DIRAS2: variants seen among roughly 807,000 people sequenced by gnomAD.
DIRAS2 encodes GTP-binding protein Di-Ras2.
A neutral mutation model predicts 13.9 loss-of-function variants in DIRAS2; 5 were observed. The ratio of observed to expected loss-of-function variants is 0.36; its 90% CI spans 0.19 to 0.76. The LOEUF (loss-of-function observed/expected upper bound fraction) is 0.76, where lower values mean the gene tolerates loss of function less well. Among genes scored for constraint, DIRAS2 ranks in the 30% least tolerant of loss-of-function variants. The probability of loss-of-function intolerance (pLI) is 0.53; values close to 1 mark genes in which losing one functional copy is unlikely to be tolerated. For missense variants in DIRAS2, 191 were observed against 263.0 expected (o/e 0.73, Z 1.89); for synonymous variants, 111 against 105.4 (o/e 1.05, Z -0.33).
chr9:90,640,897 A>G (rs1230676602), intron 1 of DIRAS2, among the ~76,000 whole-genome samples: 1 of 152,172 alleles, frequency 6.6e-6, no homozygotes, highest in African/African-American at 2.4e-5. Context: ...CAACATATCA[A>G]CTCTGGTCTC....
At position 90,613,672 on chromosome 9, in the gene DIRAS2, C is replaced by T; in HGVS notation, c.156G>A (p.Lys52=). The T allele has an allele frequency of 6.2e-7, 1 of 1,614,170 alleles. No individual in the cohort carries two copies. The highest frequency in any genetic ancestry group is 1.7e-5 in the Admixed American group (1 of 60,024). The change falls in exon 2 of 2, where the codon AAG becomes AAA. Residue 52 remains lysine (K), a synonymous_variant. Transcript: ENST00000375765. The surrounding 1 kb of genome is among the most constrained non-coding windows in gnomAD (Gnocchi z 5.6). ...CGGTGATCTGCAATGTGCATATGCT[C>T]TTGTCACAGCTGATCACTTGCCGGT... ...DTYRQVISCD[K]SICTLQITDT...
At position 90,612,566 on chromosome 9, in the gene DIRAS2, T is replaced by C. The variant is rs1418382981; in HGVS notation, c.*662A>G. 6.5e-6 allele frequency: 1 copy of C among 152,942 alleles called. No homozygotes were observed. The highest frequency in any genetic ancestry group is 1.5e-5 in the Non-Finnish European group (1 of 68,662). 9.5% of individuals were successfully genotyped at this position (152,942 alleles called of 1,614,324 possible). On this transcript the variant is annotated 3_prime_UTR_variant, in exon 2 of 2. Transcript: ENST00000375765. ...GAGCAGCACACTGTTAGTGCACTTA[T>C]CCCTGCACATGAAGATAAATACTCT... is the stretch of plus-strand genomic sequence containing the variant.
intron 1 of DIRAS2, among the ~76,000 whole-genome samples, chr9:90,641,219 A>T (rs1355667830): frequency 1.3e-5 from 2 of 152,200 alleles, no homozygotes; most frequent in Non-Finnish European, 2.9e-5. Context: ...TTCAATCTGT[A>T]TGTTTTCTGA....
intron 1 of DIRAS2, among the ~76,000 whole-genome samples, chr9:90,637,249 A>G (rs2118586430): frequency 6.6e-6 from 1 of 152,340 alleles, no homozygotes; most frequent in South Asian, 2.1e-4. Context: ...ATATTAGTAT[A>G]TATAGAGCCA....
chr9:90,636,681 G>A (rs1004154856), intron 1 of DIRAS2, among the ~76,000 whole-genome samples: 1 of 152,168 alleles, frequency 6.6e-6, no homozygotes, highest in Non-Finnish European at 1.5e-5. Context: ...ATTGCTAAGG[G>A]AGCAGAATTG....
At chr9:90,615,015 G>T (rs1363861139) in intron 1 of DIRAS2, among the ~76,000 whole-genome samples, 1 of 152,150 alleles carries the variant, frequency 6.6e-6, no homozygotes, top group Non-Finnish European at 1.5e-5. Flanking sequence ...AACTGAAGTT[G>T]ATAAGTAACA....
chr9:90,616,768 A>G (rs984486949), intron 1 of DIRAS2, among the ~76,000 whole-genome samples: 2 of 150,622 alleles, frequency 1.3e-5, no homozygotes, highest in East Asian at 1.9e-4. Context: ...ATTGTAAACT[A>G]TTTTCTTCCA....
chr9:90,611,702 C>T lies in DIRAS2; in HGVS notation c.*1526G>A, dbSNP rs147039137. On this transcript the variant is annotated 3_prime_UTR_variant, in exon 2 of 2. Transcript: ENST00000375765. ...CCAACAGCCATGCAGCCCCCACCCC[C>T]CCAGGCAGGCCCACGTGGGACTGCA... 6.6e-6 allele frequency: 1 copy of T among 152,320 alleles called. No homozygotes were observed. Among genetic ancestry groups the T allele is most frequent in the Non-Finnish European group, 1.5e-5 (1 of 68,130 alleles). 9.4% of individuals were successfully genotyped at this position (152,320 alleles called of 1,614,324 possible).
intron 1 of DIRAS2, among the ~76,000 whole-genome samples, chr9:90,639,214 G>A (rs898605): frequency 0.2 from 30,764 of 152,084 alleles, 3,455 homozygotes; most frequent in Non-Finnish European, 0.27. Flanking sequence ...GATCATGGAG[G>A]TGTTCAGGGA....
chr9:90,632,111 C>T (rs1825330110), intron 1 of DIRAS2, among the ~76,000 whole-genome samples: 1 of 152,218 alleles, frequency 6.6e-6, no homozygotes, highest in African/African-American at 2.4e-5. Flanking sequence ...CAGCAGCCTG[C>T]TGGGTGATCA....
At chr9:90,619,325 C>A (rs1434959470) in intron 1 of DIRAS2, among the ~76,000 whole-genome samples, 1 of 152,070 alleles carries the variant, frequency 6.6e-6, no homozygotes, top group Non-Finnish European at 1.5e-5. Context: ...TGCCTGTAAT[C>A]CCAGTTACTT....
rs555276536 is a variant in DIRAS2, at chr9:90,632,570, G to A, written c.-37+10182C>T. 5.3e-5 allele frequency among the ~76,000 whole-genome samples: 8 copies of A among 152,312 alleles called. No individual in the cohort carries two copies. The South Asian group carries it at 1.7e-3, about 32-fold the overall frequency. ...TTACATTTGTTTTAGAACATAGTAT[G>A]CAATTTCCTTTTTTAAAAAATTTGT... On this transcript the variant is annotated intron_variant, in intron 1 of 1. Transcript: ENST00000375765.
At chr9:90,636,990 A>G (rs938176023) in intron 1 of DIRAS2, among the ~76,000 whole-genome samples, 2 of 152,246 alleles carry the variant, frequency 1.3e-5, no homozygotes, top group East Asian at 1.9e-4. Context: ...TTCTGGCAAC[A>G]TAGTCAATTA....
chr9:90,627,977 A>C (rs1264954059), intron 1 of DIRAS2, among the ~76,000 whole-genome samples: 1 of 152,170 alleles, frequency 6.6e-6, no homozygotes, highest in Non-Finnish European at 1.5e-5. Flanking sequence ...GTGTATACCT[A>C]TGTAGCAAAC....
Position 90,611,302 on chromosome 9 carries a change from C to T in DIRAS2, c.*1926G>A, listed in dbSNP as rs1825111097. 6.6e-6 allele frequency: 1 copy of T among 152,230 alleles called. No individual in the cohort carries two copies. Among genetic ancestry groups the T allele is most frequent in the Non-Finnish European group, 1.5e-5 (1 of 68,128 alleles). 9.4% of individuals were successfully genotyped at this position (152,230 alleles called of 1,614,324 possible). On this transcript the variant is annotated 3_prime_UTR_variant, in exon 2 of 2. Transcript: ENST00000375765. Reference sequence around the variant, plus strand: ...CGGGACTGGCCCAAATGCTCTTCACCCCCAGCTGGCTCCCACGCCACTTCT... The same window carrying T: ...CGGGACTGGCCCAAATGCTCTTCACTCCCAGCTGGCTCCCACGCCACTTCT...
chr9:90,614,653 A>G (rs1203339578), intron 1 of DIRAS2, among the ~76,000 whole-genome samples: 1 of 152,210 alleles, frequency 6.6e-6, no homozygotes, highest in East Asian at 1.9e-4. Flanking sequence ...GCCATAGTAT[A>G]GATTGTCTCC....
chr9:90,620,828 G>T (rs1825213444), intron 1 of DIRAS2, among the ~76,000 whole-genome samples: 1 of 152,134 alleles, frequency 6.6e-6, no homozygotes, highest in Admixed American at 6.5e-5. Flanking sequence ...ACGGTGGCCT[G>T]CTGGGTGCTG....
At position 90,611,530 on chromosome 9, in the gene DIRAS2, A is replaced by C. The variant is rs1825113740; in HGVS notation, c.*1698T>G. The C allele has an allele frequency of 6.5e-6, 1 of 152,724 alleles. No homozygotes were observed. Among genetic ancestry groups the C allele is most frequent in the Admixed American group, 6.5e-5 (1 of 15,296 alleles). The allele number at this position is 152,724 out of a possible 1,614,324, so 9.5% of individuals were successfully genotyped here. ...GGCTGAAGAAAACTAGGACATATTG[A>C]GAGAGCAAGTGTGCTTTGGGGGATG... On this transcript the variant is annotated 3_prime_UTR_variant, in exon 2 of 2. Coordinates refer to ENST00000375765, the MANE Select transcript of DIRAS2 (RefSeq NM_017594.5).
Position 90,613,192 on chromosome 9 carries a change from G to A in DIRAS2, c.*36C>T. 6.3e-7 allele frequency: 1 copy of A among 1,583,686 alleles called. No homozygotes were observed. The highest frequency in any genetic ancestry group is 1.3e-5 in the African/African-American group (1 of 74,402). On this transcript the variant is annotated 3_prime_UTR_variant, in exon 2 of 2. Coordinates refer to ENST00000375765, the MANE Select transcript of DIRAS2 (RefSeq NM_017594.5). This position sits in a 1 kb window ranked among gnomAD's most constrained non-coding sequence, Gnocchi z 5.6. ...TGTCATTTTGGGGGAGTGAGGTGCC[G>A]GGGACACACAGCTGCTCCTCCCGCA...
Sources: gnomAD v4.1 joint callset for allele counts (sites outside exome capture counted in the v4.1 genomes callset) on GRCh38, gnomAD v4.1.1 for gene constraint, Gnocchi (gnomAD v3.1) non-coding constraint, MANE v1.5 for transcripts, NCBI Gene and HGNC (gene_info 2026-07-23, HGNC 2026-07-21) for gene names.